Variants in CAPN2 observed in about 807,000 individuals in gnomAD.
CAPN2 encodes calpain-2 catalytic subunit.
In CAPN2, 92 loss-of-function variants were observed where a neutral mutation model predicts 102.3. The ratio of observed to expected loss-of-function variants is 0.90; its 90% CI spans 0.76 to 1.07. CAPN2 has a LOEUF of 1.07. CAPN2 is among the 50% of genes least tolerant of loss of function. The pLI is 0.00. For synonymous variants in CAPN2, 340 were observed against 355.4 expected, an observed-to-expected ratio of 0.96 and a Z score of 0.49; for missense variants, 800 against 909.4, an observed-to-expected ratio of 0.88 and a Z score of 1.55.
intron 9 of CAPN2, among the ~76,000 whole-genome samples, chr1:223,753,917 A>G (rs571912709): frequency 1.3e-3 from 200 of 152,318 alleles, no homozygotes; most frequent in African/African-American, 4.7e-3. Context: ...AAAATCCAAA[A>G]TAGGAAACAC....
chr1:223,738,230 T>C (rs1366516233), intron 2 of CAPN2, among the ~76,000 whole-genome samples: 3 of 152,206 alleles, frequency 2.0e-5, no homozygotes, highest in Non-Finnish European at 2.9e-5. Flanking sequence ...CAATCATAGC[T>C]CACTGCAGCC....
rs1660157400 is a variant in CAPN2 at position 223,725,197 on chromosome 1, C to A, written c.307+7366C>A. ...ACCATCCTGGCTAACACGGTGAAAA[C>A]CCATCTCTACAAAACTACAATATGA... On this transcript the variant is annotated intron_variant, in intron 2 of 20. Transcript: ENST00000295006. The surrounding 1 kb of genome is among the most constrained non-coding windows in gnomAD (Gnocchi z 4.1). Among the ~76,000 whole-genome samples the A allele has an allele frequency of 6.6e-6, 1 of 152,040 alleles. No individual in the cohort carries two copies. The highest frequency in any genetic ancestry group is 2.1e-4 in the South Asian group (1 of 4,820).
At chr1:223,763,289 A>G (rs903362288) in intron 14 of CAPN2, among the ~76,000 whole-genome samples, 1 of 151,604 alleles carries the variant, frequency 6.6e-6, no homozygotes, top group Non-Finnish European at 1.5e-5. Flanking sequence ...TCGCTGACCT[A>G]AAGACCCATC....
chr1:223,717,933 T>C, intron 2 of CAPN2, 102 bp downstream of exon 2: 1 of 850,414 alleles, frequency 1.2e-6, no homozygotes, highest in Non-Finnish European at 2.0e-6. Flanking sequence ...CCAAGCAGCT[T>C]GGCAATTTCT....
chr1:223,704,844 T>A (rs1035490556), intron 1 of CAPN2, among the ~76,000 whole-genome samples: 3 of 152,180 alleles, frequency 2.0e-5, no homozygotes, highest in Admixed American at 6.5e-5. Context: ...TAGACTGTCA[T>A]TAAACAAATG....
At chr1:223,770,559 TTAATC>T in intron 18 of CAPN2, 34 bp downstream of exon 18, 1 of 1,377,356 alleles carries the variant, frequency 7.3e-7, no homozygotes, top group South Asian at 1.2e-5. Context: ...CGTTCCTAGT[TTAATC>T]TGTCTGTAGA....
intron 16 of CAPN2, among the ~76,000 whole-genome samples, chr1:223,767,549 A>G (rs1003529722): frequency 6.6e-6 from 1 of 151,420 alleles, no homozygotes; most frequent in Non-Finnish European, 1.5e-5. Flanking sequence ...ATAGTATTCC[A>G]TGGTGTATAT....
intron 2 of CAPN2, among the ~76,000 whole-genome samples, chr1:223,739,330 C>T (rs1030004583): frequency 6.6e-6 from 1 of 151,948 alleles, no homozygotes; most frequent in Non-Finnish European, 1.5e-5. Flanking sequence ...ACTACAGGCG[C>T]GTGCCAACAT....
intron 7 of CAPN2, 87 bp downstream of exon 7, chr1:223,751,062 G>T (rs1426460934): frequency 1.7e-6 from 2 of 1,148,268 alleles, no homozygotes; most frequent in Admixed American, 2.0e-5. Flanking sequence ...GAAGACATGT[G>T]CATTATTCTG....
chr1:223,769,402 T>C (rs1023178614), intron 16 of CAPN2, among the ~76,000 whole-genome samples: 8 of 152,108 alleles, frequency 5.3e-5, no homozygotes, highest in African/African-American at 1.9e-4. Context: ...ATTAGAGGTG[T>C]GAGCCACCAT....
chr1:223,774,957 G>A lies in CAPN2; in HGVS notation c.*100G>A. The A allele has an allele frequency of 5.1e-6, 5 of 976,012 alleles. No individual in the cohort carries two copies. Among genetic ancestry groups the A allele is most frequent in the East Asian group, 2.4e-5 (1 of 41,566 alleles). The allele number at this position is 976,012 out of a possible 1,614,324, so 60.5% of individuals were successfully genotyped here. On this transcript the variant is annotated 3_prime_UTR_variant, in exon 21 of 21. Transcript: ENST00000295006. ...TTTGTATCTGGACCTCAAAATTATG[G>A]GAACATTTACTTAAACGGATGATCA...
At chr1:223,746,008 T>C (rs1338996921) in intron 4 of CAPN2, among the ~76,000 whole-genome samples, 1 of 152,214 alleles carries the variant, frequency 6.6e-6, no homozygotes, top group African/African-American at 2.4e-5. Flanking sequence ...ACAGTTGAGT[T>C]TGTCCAGTGC....
At position 223,754,702 on chromosome 1, in the gene CAPN2, C is replaced by T. The variant is rs541077848; in HGVS notation, c.1136-778C>T. 1.3e-5 allele frequency among the ~76,000 whole-genome samples: 2 copies of T among 152,286 alleles called. No homozygotes were observed. The highest frequency in any genetic ancestry group is 1.3e-4 in the Admixed American group (2 of 15,304). ...AAATAGGTTTTGGAAGTAAAGAGGG[C>T]AGAGACATCAGGAGCAGGGCAAGGG... On this transcript the variant is annotated intron_variant, in intron 9 of 20. Coordinates refer to ENST00000295006, the MANE Select transcript of CAPN2 (RefSeq NM_001748.5). The surrounding 1 kb of genome is among the most constrained non-coding windows in gnomAD (Gnocchi z 4.7).
At chr1:223,744,351 T>C (rs1660694885) in intron 3 of CAPN2, 133 bp downstream of exon 3, 4 of 663,552 alleles carry the variant, frequency 6.0e-6, no homozygotes, top group Non-Finnish European at 1.1e-5. Flanking sequence ...CAAAGGACAT[T>C]GGGCGAGAGC....
rs112199719 is a variant in CAPN2 at position 223,737,713 on chromosome 1, G to T, written c.308-6387G>T. 1.3e-4 allele frequency among the ~76,000 whole-genome samples: 5 copies of T among 38,232 alleles called. 2 individuals carry two copies. The East Asian group carries it at 1.4e-3, about 11-fold the overall frequency. The allele number at this position is 38,232 out of a possible 152,430, so 25.1% of individuals were successfully genotyped here. A position where few individuals can be genotyped will look rare whatever the true frequency, so the allele number is the denominator to read the frequency against. ...CTGACCAAAAGAGACGGGGCGGGGG[G>T]TGGGGGGGAGAGAATACAATAACAC... On this transcript the variant is annotated intron_variant, in intron 2 of 20. Coordinates refer to ENST00000295006, the MANE Select transcript of CAPN2 (RefSeq NM_001748.5).
intron 2 of CAPN2, among the ~76,000 whole-genome samples, chr1:223,730,635 G>T (rs1285899191): frequency 1.3e-5 from 2 of 152,188 alleles, no homozygotes; most frequent in Non-Finnish European, 2.9e-5. Context: ...AGTCTGTTTT[G>T]TGAGTCTTAA....
At chr1:223,722,015 AAGG>A (rs1170827416) in intron 2 of CAPN2, among the ~76,000 whole-genome samples, 18 of 152,134 alleles carry the variant, frequency 1.2e-4, no homozygotes, top group Admixed American at 1.0e-3. Context: ...AGGAAGAGAA[AAGG>A]AGGAGAAGAA....
rs1025289312 is a variant in CAPN2, at chr1:223,749,283, C to CT, written c.813+164dup. The stretch of plus-strand genomic sequence containing the variant: ...TCCGCGCGGGAGGAGAAGGGCGTCC[C>CT]TTTCGCAGCTCGGGCGCCGGGTGCG... On this transcript the variant is annotated intron_variant, in intron 6 of 20. Coordinates refer to ENST00000295006, the MANE Select transcript of CAPN2 (RefSeq NM_001748.5). The CT allele has an allele frequency of 1.6e-5, 10 of 632,914 alleles. 1 individual carries two copies. Among genetic ancestry groups the CT allele is most frequent in the Admixed American group, 1.2e-4 (4 of 32,320 alleles). The allele number at this position is 632,914 out of a possible 1,614,324, so 39.2% of individuals were successfully genotyped here.
At chr1:223,757,438 C>T (rs1014875190) in intron 11 of CAPN2, 58 bp downstream of exon 11, 1 of 1,599,280 alleles carries the variant, frequency 6.3e-7, no homozygotes, top group Non-Finnish European at 8.6e-7. Flanking sequence ...GAGGCTTAGA[C>T]TGCTGGAGCT....
Sources: allele counts gnomAD v4.1 joint callset (sites outside exome capture counted in the v4.1 genomes callset), GRCh38; gene constraint gnomAD v4.1.1; non-coding constraint Gnocchi (gnomAD v3.1); transcripts MANE v1.5; gene names NCBI Gene and HGNC (gene_info 2026-07-23, HGNC 2026-07-21).